Variants in PLCG2 observed in about 807,000 individuals in gnomAD.
The protein encoded by PLCG2 is 1-phosphatidylinositol 4,5-bisphosphate phosphodiesterase gamma-2.
Under a neutral mutation model 175.6 loss-of-function variants are expected in PLCG2, and 69 were observed. The ratio of observed to expected loss-of-function variants is 0.39; its 90% CI spans 0.32 to 0.48. The LOEUF is 0.48. PLCG2 is among the 20% of genes least tolerant of loss of function. PLCG2 has a pLI of 0.91. For missense variants in PLCG2, 1,798 were observed against 1,650.9 expected (o/e 1.09, Z -1.54); for synonymous variants, 827 against 624.0 (o/e 1.33, Z -4.85).
intron 2 of PLCG2, among the ~76,000 whole-genome samples, chr16:81,806,893 G>C (rs907126360): frequency 6.6e-6 from 1 of 151,964 alleles, no homozygotes; most frequent in Non-Finnish European, 1.5e-5. Flanking sequence ...CAGAGTTATG[G>C]GGAGGAAGCA....
intron 27 of PLCG2, 75 bp from the exon 28 acceptor site, chr16:81,937,683 C>T (rs1412040614): frequency 6.9e-6 from 9 of 1,309,148 alleles, no homozygotes; most frequent in South Asian, 1.4e-5. Context: ...ATTCATTCCC[C>T]ACCTAGAAAC....
chr16:81,875,441 G>A (rs1305136430), intron 7 of PLCG2, among the ~76,000 whole-genome samples: 2 of 152,110 alleles, frequency 1.3e-5, no homozygotes, highest in African/African-American at 4.8e-5. Context: ...GCCCAACTTT[G>A]ACGCATAGCC....
intron 2 of PLCG2, among the ~76,000 whole-genome samples, chr16:81,837,820 C>T (rs1003964935): frequency 1.2e-4 from 18 of 152,050 alleles, no homozygotes; most frequent in African/African-American, 4.3e-4. Context: ...CAATTATCCC[C>T]AATGGTAATA....
intron 26 of PLCG2, among the ~76,000 whole-genome samples, chr16:81,935,289 C>A (rs1334324710): frequency 1.3e-5 from 2 of 152,094 alleles, no homozygotes; most frequent in Non-Finnish European, 2.9e-5. Flanking sequence ...CCTTGTGATG[C>A]ATTAGGTCCA....
At position 81,922,939 on chromosome 16, in the gene PLCG2, C is replaced by A. The variant is rs1188006907; in HGVS notation, c.2308-546C>A. Reference sequence around the variant, plus strand: ...ATTTCATGGAGGAGAAGCTCAGTTACTCTTGCAAAATGTCAGGGTCCTGCA... The same window carrying A: ...ATTTCATGGAGGAGAAGCTCAGTTAATCTTGCAAAATGTCAGGGTCCTGCA... On this transcript the variant is annotated intron_variant, in intron 21 of 32. Coordinates refer to ENST00000564138, the MANE Select transcript of PLCG2 (RefSeq NM_002661.5). 3.9e-5 allele frequency among the ~76,000 whole-genome samples: 6 copies of A among 152,190 alleles called. No individual in the cohort carries two copies. In the East Asian group the frequency reaches 1.2e-3, roughly 29 times the overall value.
chr16:81,773,270 C>A (rs977706754), intron 2 of PLCG2, among the ~76,000 whole-genome samples: 1 of 152,212 alleles, frequency 6.6e-6, no homozygotes, highest in South Asian at 2.1e-4. Context: ...TGTTGACACA[C>A]TTGAACTTCT....
At chr16:81,851,770 C>T (rs1436474120) in intron 2 of PLCG2, among the ~76,000 whole-genome samples, 1 of 152,208 alleles carries the variant, frequency 6.6e-6, no homozygotes, top group African/African-American at 2.4e-5. Context: ...GCCTTGGCCT[C>T]CCAAAGTGCT....
At chr16:81,910,850 A>G (rs1017524894) in intron 18 of PLCG2, 130 bp downstream of exon 18, 6 of 841,734 alleles carry the variant, frequency 7.1e-6, no homozygotes, top group Admixed American at 6.0e-5. Context: ...CGGCATCTCA[A>G]AATTGCCGAG....
rs759608004 is a variant in PLCG2, at chr16:81,935,448, C to T, written c.2843-721C>T. On this transcript the variant is annotated intron_variant, in intron 26 of 32. Coordinates refer to ENST00000564138, the MANE Select transcript of PLCG2 (RefSeq NM_002661.5). ...ATTTAAAAAAAAAAAGACCTTCTAC[C>T]ACATTCTCCAGGTAGCAAGCTTTTT... 8 of 821,178 alleles carry T rather than the reference C, an allele frequency of 9.7e-6. No individual in the cohort carries two copies. The South Asian group carries it at 4.5e-4, about 46-fold the overall frequency. 50.9% of individuals were successfully genotyped at this position (821,178 alleles called of 1,614,324 possible).
chr16:81,911,584 C>T (rs1426593063), intron 18 of PLCG2, among the ~76,000 whole-genome samples: 1 of 138,290 alleles, frequency 7.2e-6, no homozygotes, highest in African/African-American at 2.8e-5. Context: ...CAGGTGTGTG[C>T]CACTGTGCCC....
intron 31 of PLCG2, among the ~76,000 whole-genome samples, chr16:81,949,626 G>C (rs1306835865): frequency 1.3e-5 from 2 of 152,160 alleles, no homozygotes; most frequent in African/African-American, 4.8e-5. Context: ...AGTCAGAAAA[G>C]AAAACTTTTA....
In PLCG2 at chr16:81,893,816, G is replaced by C. The variant is rs761603870; in HGVS notation, c.1072+22G>C. The C allele has an allele frequency of 2.6e-6, 4 of 1,517,136 alleles. No individual in the cohort carries two copies. The East Asian group carries it at 9.0e-5, about 34-fold the overall frequency. 94.0% of individuals were successfully genotyped at this position (1,517,136 alleles called of 1,614,324 possible). A position where few individuals can be genotyped will look rare whatever the true frequency, so the allele number is the denominator to read the frequency against. On this transcript the variant is annotated intron_variant, in intron 12 of 32. Coordinates refer to ENST00000564138, the MANE Select transcript of PLCG2 (RefSeq NM_002661.5). ...GAACGTGAGTAGCTCCTTCTTGGTG[G>C]AGGTCAGGCTCGCAGCAAATTGAGG... is the stretch of plus-strand genomic sequence containing the variant.
chr16:81,816,368 C>G (rs2143315030), intron 2 of PLCG2, among the ~76,000 whole-genome samples: 1 of 152,228 alleles, frequency 6.6e-6, no homozygotes, highest in South Asian at 2.1e-4. Context: ...AAGGCCCTGT[C>G]TCAAAAAACA....
chr16:81,759,814 G>C (rs1218160850), intron 2 of PLCG2, among the ~76,000 whole-genome samples: 1 of 152,204 alleles, frequency 6.6e-6, no homozygotes, highest in African/African-American at 2.4e-5. Flanking sequence ...GCTCTGCTGA[G>C]TTTTCTTTCT....
rs142482144 is a variant in PLCG2 at position 81,763,213 on chromosome 16, G to A, written c.-48+7247G>A. ...AGAACCCAGCCTCTCCTCCACTGCC[G>A]CAGATGATTCTGCTGTAGCCCAGAT... On this transcript the variant is annotated intron_variant, in intron 2 of 5. Coordinates refer to the PLCG2 transcript ENST00000565054. Among the ~76,000 whole-genome samples the A allele has an allele frequency of 3.7e-3, 566 of 152,324 alleles. 1 individual carries two copies. The highest frequency in any genetic ancestry group is 0.01 in the Middle Eastern group (3 of 294).
At position 81,883,329 on chromosome 16, in the gene PLCG2, A is replaced by G. The variant is rs1459043365; in HGVS notation, c.753A>G (p.Ile251Met). 5 of 1,613,866 alleles carry G rather than the reference A, an allele frequency of 3.1e-6. No homozygotes were observed. In the South Asian group the frequency reaches 5.5e-5, roughly 18 times the overall value. Residue 251 changes from isoleucine (I) to methionine (M), a missense_variant, in exon 9 of 33, where the codon ATA (isoleucine) becomes ATG (methionine). Ile to Met is a conservative substitution (Grantham distance 10). Transcript: ENST00000564138. ...TGCATGACTTCCAGAGGTTTCTCAT[A>G]CATGAACAGCAGGTGAGAGCACAAG... is the stretch of plus-strand genomic sequence containing the variant. The part of the protein sequence containing the change: ...VYLHDFQRFL[I>M]HEQQEHWAQD...
At chr16:81,830,672 A>G (rs1905224602) in intron 2 of PLCG2, among the ~76,000 whole-genome samples, 1 of 151,820 alleles carries the variant, frequency 6.6e-6, no homozygotes, top group Non-Finnish European at 1.5e-5. Flanking sequence ...GTGTGTATAT[A>G]TATATATACA....
At chr16:81,770,452 C>A (rs1451993463) in intron 2 of PLCG2, among the ~76,000 whole-genome samples, 1 of 152,194 alleles carries the variant, frequency 6.6e-6, no homozygotes, top group Non-Finnish European at 1.5e-5. Context: ...GTAGCACATG[C>A]CTGTAATCCC....
chr16:81,896,353 C>G (rs1426676189), intron 13 of PLCG2, among the ~76,000 whole-genome samples: 2 of 146,018 alleles, frequency 1.4e-5, no homozygotes. Context: ...GGTGAAACCC[C>G]TTCTCTACCA....
Sources: allele counts gnomAD v4.1 joint callset (sites outside exome capture counted in the v4.1 genomes callset), GRCh38; gene constraint gnomAD v4.1.1; transcripts MANE v1.5; gene names NCBI Gene and HGNC (gene_info 2026-07-23, HGNC 2026-07-21).